PTPRM: variants seen among roughly 807,000 people sequenced by gnomAD.
PTPRM encodes protein tyrosine phosphatase receptor type M.
PTPRM carries 47 observed loss-of-function variants against 186.7 expected under a neutral mutation model. The observed-to-expected ratio is 0.25, with a 90% CI of 0.20 to 0.32. The LOEUF (loss-of-function observed/expected upper bound fraction) is 0.32, where lower values mean the gene tolerates loss of function less well. Ranked by LOEUF, PTPRM falls within the 10% of genes least tolerant of loss-of-function variation. PTPRM has a pLI of 1.00. For missense variants in PTPRM, 1,494 were observed against 1,865.0 expected (o/e 0.80, Z 3.66); for synonymous variants, 668 against 674.9 (o/e 0.99, Z 0.16).
intron 6 of PTPRM, among the ~76,000 whole-genome samples, chr18:7,949,577 C>G (rs185629084): frequency 6.6e-6 from 1 of 152,260 alleles, no homozygotes; most frequent in Non-Finnish European, 1.5e-5. Flanking sequence ...GCACAAAAAA[C>G]AATGAATGTG....
intron 7 of PTPRM, among the ~76,000 whole-genome samples, chr18:7,960,480 T>TATATATATATATATATATAC (rs1300573371): frequency 1.2e-5 from 1 of 86,600 alleles, no homozygotes; most frequent in Admixed American, 1.3e-4. Context: ...TATATATATA[T>TATATATATATATATATATAC]ACACACACAC....
chr18:7,568,013 C>A lies in PTPRM; in HGVS notation c.73+122C>A. The stretch of plus-strand genomic sequence containing the variant: ...CGTCGGGGCCGGGCGGGGGGCGCGG[C>A]GGGCCGGACACCGCTTCTGCCTGTG... On this transcript the variant is annotated intron_variant, in intron 1 of 32. Transcript: ENST00000580170. The surrounding 1 kb of genome is among the most constrained non-coding windows in gnomAD (Gnocchi z 5.1). 1 of 932,390 alleles carries A rather than the reference C, an allele frequency of 1.1e-6. No homozygotes were observed. The highest frequency in any genetic ancestry group is 1.4e-6 in the Non-Finnish European group (1 of 697,758). The allele number at this position is 932,390 out of a possible 1,614,324, so 57.8% of individuals were successfully genotyped here.
chr18:7,602,614 T>C (rs2037430533), intron 1 of PTPRM, among the ~76,000 whole-genome samples: 1 of 151,888 alleles, frequency 6.6e-6, no homozygotes, highest in East Asian at 1.9e-4. Flanking sequence ...TTTTGTAGGC[T>C]TGGGGTCTTC....
intron 2 of PTPRM, among the ~76,000 whole-genome samples, chr18:7,846,969 A>G (rs1239181456): frequency 6.6e-6 from 1 of 151,742 alleles, no homozygotes; most frequent in East Asian, 1.9e-4. Context: ...ATTTCAGACT[A>G]TCACTGTATT....
intron 2 of PTPRM, among the ~76,000 whole-genome samples, chr18:7,872,604 A>G (rs1052312716): frequency 6.6e-6 from 1 of 152,100 alleles, no homozygotes; most frequent in Non-Finnish European, 1.5e-5. Flanking sequence ...ATTTCTTCCC[A>G]TTTCCTTGTC....
At chr18:7,686,181 G>C (rs982323088) in intron 1 of PTPRM, among the ~76,000 whole-genome samples, 1 of 152,096 alleles carries the variant, frequency 6.6e-6, no homozygotes, top group African/African-American at 2.4e-5. Flanking sequence ...ATGGGACAAG[G>C]ATCTCCCAGG....
intron 5 of PTPRM, among the ~76,000 whole-genome samples, chr18:7,939,968 A>G (rs1002389201): frequency 3.3e-5 from 5 of 152,126 alleles, no homozygotes; most frequent in Non-Finnish European, 5.9e-5. Context: ...GTGGGTTTCT[A>G]GATGCTCAGT....
At chr18:8,388,675 C>G (rs1313013222) in intron 31 of PTPRM, among the ~76,000 whole-genome samples, 1 of 152,166 alleles carries the variant, frequency 6.6e-6, no homozygotes, top group Non-Finnish European at 1.5e-5. Flanking sequence ...TAAAAAATCT[C>G]TGTTGGCCAG....
At chr18:8,067,428 A>T (rs2089170401) in intron 7 of PTPRM, among the ~76,000 whole-genome samples, 1 of 152,178 alleles carries the variant, frequency 6.6e-6, no homozygotes. Flanking sequence ...AAATATGAAA[A>T]ATTAATTTTG....
chr18:8,401,407 G>C (rs1044841726), intron 32 of PTPRM, among the ~76,000 whole-genome samples: 1 of 152,212 alleles, frequency 6.6e-6, no homozygotes, highest in Non-Finnish European at 1.5e-5. Flanking sequence ...TTGGCACAGA[G>C]TGGCTGGCCA....
At chr18:7,754,318 T>C (rs928090963) in intron 1 of PTPRM, among the ~76,000 whole-genome samples, 9 of 152,236 alleles carry the variant, frequency 5.9e-5, no homozygotes, top group Admixed American at 4.6e-4. Context: ...ACCCGACATT[T>C]CCTGTGTGCT....
At chr18:8,199,078 G>A (rs757940220) in intron 14 of PTPRM, among the ~76,000 whole-genome samples, 7 of 151,890 alleles carry the variant, frequency 4.6e-5, no homozygotes, top group Non-Finnish European at 7.4e-5. Context: ...ATCTTCTCTC[G>A]CCCCCATCTG....
At chr18:8,015,757 T>A (rs1444287398) in intron 7 of PTPRM, among the ~76,000 whole-genome samples, 1 of 152,206 alleles carries the variant, frequency 6.6e-6, no homozygotes, top group Non-Finnish European at 1.5e-5. Context: ...GTAGAATTGA[T>A]CATTTATCAT....
intron 14 of PTPRM, among the ~76,000 whole-genome samples, chr18:8,228,967 G>A (rs2094250566): frequency 6.6e-6 from 1 of 152,110 alleles, no homozygotes; most frequent in Non-Finnish European, 1.5e-5. Context: ...AAAAGTGGTA[G>A]ACCATAGGAT....
chr18:8,126,015 A>ATT (rs1568383678), intron 13 of PTPRM, among the ~76,000 whole-genome samples: 14 of 24,104 alleles, frequency 5.8e-4, no homozygotes, highest in African/African-American at 1.5e-3. Context: ...ATATATATAT[A>ATT]TATATATATA....
chr18:8,080,265 G>C (rs1353516324), intron 9 of PTPRM, among the ~76,000 whole-genome samples: 1 of 152,070 alleles, frequency 6.6e-6, no homozygotes, highest in Non-Finnish European at 1.5e-5. Flanking sequence ...CAATGTACAA[G>C]GATATTTGCC....
intron 2 of PTPRM, among the ~76,000 whole-genome samples, chr18:7,843,047 A>C (rs1235661865): frequency 1.3e-5 from 2 of 149,694 alleles, no homozygotes; most frequent in Non-Finnish European, 3.0e-5. Flanking sequence ...TCTACTATTG[A>C]TTCTGTTCCT....
At chr18:8,290,585 A>G (rs562637113) in intron 19 of PTPRM, among the ~76,000 whole-genome samples, 1 of 152,316 alleles carries the variant, frequency 6.6e-6, no homozygotes, top group South Asian at 2.1e-4. Context: ...GAAAAAAATG[A>G]CAGTATGCAG....
intron 5 of PTPRM, among the ~76,000 whole-genome samples, chr18:7,948,948 CA>C (rs1487401903): frequency 6.6e-6 from 1 of 152,066 alleles, no homozygotes; most frequent in Non-Finnish European, 1.5e-5. Context: ...GAGGCAAAAA[CA>C]AAAAATGTCT....
Sources: gnomAD v4.1 joint callset for allele counts (sites outside exome capture counted in the v4.1 genomes callset) on GRCh38, gnomAD v4.1.1 for gene constraint, Gnocchi (gnomAD v3.1) non-coding constraint, MANE v1.5 for transcripts, NCBI Gene and HGNC (gene_info 2026-07-23, HGNC 2026-07-21) for gene names.